EP300: variants seen among roughly 807,000 people sequenced by gnomAD.
EP300 encodes histone acetyltransferase p300.
A neutral mutation model predicts 264.0 loss-of-function variants in EP300; 31 were observed. The observed-to-expected ratio is 0.12, with a 90% CI of 0.09 to 0.16. EP300 has a LOEUF of 0.16. Ranked by LOEUF, EP300 falls within the 10% of genes least tolerant of loss-of-function variation. The pLI is 1.00. For missense variants in EP300, 2,766 were observed against 3,052.9 expected, an observed-to-expected ratio of 0.91 and a Z score of 2.21; for synonymous variants, 1,340 against 1,045.4, an observed-to-expected ratio of 1.28 and a Z score of -5.44.
chr22:41,109,156 C>T (rs1007922707), intron 1 of EP300, among the ~76,000 whole-genome samples: 2 of 149,346 alleles, frequency 1.3e-5, no homozygotes, highest in African/African-American at 4.9e-5. Context: ...TTGGTGGCAG[C>T]TACTAAGGAG....
rs376779611 is a variant in EP300 at position 41,117,536 on chromosome 22, G to A, written c.444G>A (p.Thr148=). The change falls in exon 2 of 31, where the codon ACG becomes ACA. Residue 148 remains threonine, a synonymous_variant. Transcript: ENST00000263253. ...CTAGTGGACCAAATCAGGGTCCTAC[G>A]CAGTCAACAGGTATGATGAACAGTC... The part of the protein sequence containing the change: ...MGTSGPNQGP[T]QSTGMMNSPV... 3.9e-5 allele frequency: 63 copies of A among 1,614,208 alleles called. No individual in the cohort carries two copies. In the African/African-American group the frequency reaches 5.1e-4, roughly 13 times the overall value.
intron 6 of EP300, among the ~76,000 whole-genome samples, chr22:41,135,490 C>T (rs1005828997): frequency 6.6e-6 from 1 of 151,438 alleles, no homozygotes; most frequent in African/African-American, 2.4e-5. Context: ...ACTCAAGTTC[C>T]CTTTGTTTTT....
chr22:41,117,539 G>C lies in EP300; in HGVS notation c.447G>C (p.Gln149His). 6.2e-7 allele frequency: 1 copy of C among 1,614,238 alleles called. No homozygotes were observed. Among genetic ancestry groups the C allele is most frequent in the Non-Finnish European group, 8.5e-7 (1 of 1,180,030 alleles). ...GTSGPNQGPT[Q>H]STGMMNSPVN... ...GTGGACCAAATCAGGGTCCTACGCA[G>C]TCAACAGGTATGATGAACAGTCCAG... The change falls in exon 2 of 31, where the codon CAG (glutamine) becomes CAC (histidine). Residue 149 changes from glutamine to histidine, a missense_variant. Gln to His is a conservative substitution (Grantham distance 24, BLOSUM62 0). Coordinates refer to ENST00000263253, the MANE Select transcript of EP300 (RefSeq NM_001429.4).
intron 20 of EP300, among the ~76,000 whole-genome samples, chr22:41,162,246 T>C (rs1026183720): frequency 6.6e-6 from 1 of 152,218 alleles, no homozygotes; most frequent in Non-Finnish European, 1.5e-5. Flanking sequence ...CGGTTTTCAA[T>C]GTGGACATGT....
At chr22:41,167,189 G>A (rs892417637) in intron 23 of EP300, among the ~76,000 whole-genome samples, 2 of 152,094 alleles carry the variant, frequency 1.3e-5, no homozygotes, top group Non-Finnish European at 2.9e-5. Context: ...TAGAGATGGC[G>A]TTTTGCCATG....
At chr22:41,105,089 C>G (rs946707358) in intron 1 of EP300, among the ~76,000 whole-genome samples, 20 of 150,400 alleles carry the variant, frequency 1.3e-4, no homozygotes, top group Non-Finnish European at 2.4e-4. Flanking sequence ...CCCAGCTACT[C>G]AGGAGGCTGA....
intron 1 of EP300, among the ~76,000 whole-genome samples, chr22:41,105,496 T>G (rs571122026): frequency 6.6e-6 from 1 of 151,882 alleles, no homozygotes; most frequent in East Asian, 2.0e-4. Context: ...CCTCCCGGGT[T>G]CAAGCGATTC....
intron 25 of EP300, 181 bp downstream of exon 25, chr22:41,169,048 G>C: frequency 1.3e-6 from 1 of 752,608 alleles, no homozygotes; most frequent in East Asian, 2.7e-5. Context: ...CAAAATAACC[G>C]CTCAATACTG....
chr22:41,125,745 T>C, intron 2 of EP300, 119 bp from the exon 3 acceptor site: 1 of 1,111,218 alleles, frequency 9.0e-7, no homozygotes, highest in Non-Finnish European at 1.3e-6. Context: ...TCTTTTCTAA[T>C]AGAAGCTGAG....
At chr22:41,148,789 G>A in intron 12 of EP300, 1 of 549,692 alleles carries the variant, frequency 1.8e-6, no homozygotes, top group Admixed American at 3.1e-5. Flanking sequence ...GAGAATGTGT[G>A]TTCCATCCTC....
chr22:41,173,328 C>G (rs1242278301), intron 28 of EP300, among the ~76,000 whole-genome samples: 1 of 152,194 alleles, frequency 6.6e-6, no homozygotes, highest in African/African-American at 2.4e-5. Flanking sequence ...GCCACCCCTT[C>G]CTTGTTCCCT....
intron 7 of EP300, 90 bp from the exon 8 acceptor site, chr22:41,137,562 AT>A (rs1176874353): frequency 6.5e-7 from 1 of 1,534,588 alleles, no homozygotes; most frequent in Non-Finnish European, 9.0e-7. Flanking sequence ...TAGCATATTG[AT>A]TCCATTACAA....
At chr22:41,111,964 T>C (rs1420046412) in intron 1 of EP300, among the ~76,000 whole-genome samples, 1 of 124,098 alleles carries the variant, frequency 8.1e-6, no homozygotes. Context: ...GTCCACTCAC[T>C]GCAAGCTCCG....
At position 41,107,803 on chromosome 22, in the gene EP300, C is replaced by T. The variant is rs565651632; in HGVS notation, c.95-9384C>T. On this transcript the variant is annotated intron_variant, in intron 1 of 30. Coordinates refer to ENST00000263253, the MANE Select transcript of EP300 (RefSeq NM_001429.4). ...GCAACCTCTGCCTCCTGGGTTCAAGCGATTCTCCTGCCTCAGCCTCCCAAG... is the reference window on the plus strand; with the variant it reads ...GCAACCTCTGCCTCCTGGGTTCAAGTGATTCTCCTGCCTCAGCCTCCCAAG... Among the ~76,000 whole-genome samples the T allele has an allele frequency of 3.5e-3, 539 of 152,160 alleles. 8 individuals carry two copies. Among genetic ancestry groups the T allele is most frequent in the South Asian group, 0.029 (140 of 4,824 alleles).
chr22:41,166,815 T>C (rs1253402752), intron 23 of EP300, 149 bp downstream of exon 23: 1 of 549,922 alleles, frequency 1.8e-6, no homozygotes, highest in Non-Finnish European at 3.1e-6. Flanking sequence ...ATCTGTAATA[T>C]ATTTTTTGGT....
chr22:41,142,488 A>AT (rs1236255678), intron 10 of EP300, among the ~76,000 whole-genome samples: 2 of 152,164 alleles, frequency 1.3e-5, no homozygotes, highest in Non-Finnish European at 2.9e-5. Flanking sequence ...AAAAACACAG[A>AT]TTTTTTGAGT....
At chr22:41,175,559 A>C (rs1429488886) in intron 29 of EP300, among the ~76,000 whole-genome samples, 1 of 152,200 alleles carries the variant, frequency 6.6e-6, no homozygotes, top group East Asian at 1.9e-4. Context: ...TATCCATTCC[A>C]TTCCCTTCCA....
intron 20 of EP300, 142 bp from the exon 21 acceptor site, chr22:41,162,581 G>A: frequency 1.5e-6 from 1 of 665,962 alleles, no homozygotes; most frequent in Non-Finnish European, 2.7e-6. Flanking sequence ...TTTTGTGTGA[G>A]CCAAGAATAC....
chr22:41,093,400 C>T (rs1311209105), intron 1 of EP300, among the ~76,000 whole-genome samples: 1 of 152,180 alleles, frequency 6.6e-6, no homozygotes, highest in African/African-American at 2.4e-5. Context: ...TGGGAAATGC[C>T]AATGCATTTG....
Sources: gnomAD v4.1 joint callset for allele counts (sites outside exome capture counted in the v4.1 genomes callset) on GRCh38, gnomAD v4.1.1 for gene constraint, MANE v1.5 for transcripts, NCBI Gene and HGNC (gene_info 2026-07-23, HGNC 2026-07-21) for gene names.